The following ALK variants were observed in gnomAD, a reference collection of about 807,000 sequenced individuals.
ALK encodes the protein ALK receptor tyrosine kinase.
ALK carries 74 observed loss-of-function variants against 163.1 expected under a neutral mutation model. The observed-to-expected ratio is 0.45, with a 90% confidence interval of 0.38 to 0.55. ALK has a LOEUF of 0.55. ALK is among the 20% of genes least tolerant of loss of function. The probability of loss-of-function intolerance (pLI) is 0.00; values close to 1 mark genes in which losing one functional copy is unlikely to be tolerated. For synonymous variants in ALK, 960 were observed against 843.2 expected, an observed-to-expected ratio of 1.14 and a Z score of -2.40; for missense variants, 2,063 against 2,105.3, an observed-to-expected ratio of 0.98 and a Z score of 0.39.
chr2:29,278,983 G>T (rs200234715), intron 9 of ALK, among the ~76,000 whole-genome samples: 13 of 152,092 alleles, frequency 8.5e-5, no homozygotes, highest in Admixed American at 4.6e-4. Flanking sequence ...TGTGCCTGGG[G>T]GGGGGGACAG....
intron 4 of ALK, among the ~76,000 whole-genome samples, chr2:29,391,780 T>C (rs1669181764): frequency 6.6e-6 from 1 of 152,172 alleles, no homozygotes. Context: ...CTGTGTGACC[T>C]CAGGCCCCTG....
intron 9 of ALK, among the ~76,000 whole-genome samples, chr2:29,293,327 T>A (rs1003891309): frequency 2.0e-5 from 3 of 152,190 alleles, no homozygotes; most frequent in Admixed American, 2.0e-4. Context: ...TCAATGCATA[T>A]TTATTGGGCA....
intron 3 of ALK, among the ~76,000 whole-genome samples, chr2:29,685,769 T>C (rs992782161): frequency 6.6e-6 from 1 of 152,200 alleles, no homozygotes; most frequent in Non-Finnish European, 1.5e-5. Flanking sequence ...TATATTATCT[T>C]TTGGTTCTGC....
At chr2:29,249,376 A>G (rs1664761285) in intron 12 of ALK, among the ~76,000 whole-genome samples, 1 of 152,098 alleles carries the variant, frequency 6.6e-6, no homozygotes, top group Non-Finnish European at 1.5e-5. Context: ...TGTGTTGCCC[A>G]ATATCCCTTC....
chr2:29,251,068 G>T lies in ALK; in HGVS notation c.2204+37C>A, dbSNP rs193064534. 3.2e-5 allele frequency: 52 copies of T among 1,606,716 alleles called. No homozygotes were observed. In the Middle Eastern group the frequency reaches 6.6e-4, roughly 21 times the overall value. ...AAGACTCCAGGCTTCTTCGGAAGGGGTGGTCTGCCCCTCCCCTCCCCCTCT... is the reference window on the plus strand; with the variant it reads ...AAGACTCCAGGCTTCTTCGGAAGGGTTGGTCTGCCCCTCCCCTCCCCCTCT... On this transcript the variant is annotated intron_variant, in intron 12 of 28. Transcript: ENST00000389048.
intron 3 of ALK, among the ~76,000 whole-genome samples, chr2:29,692,230 G>C (rs1388161709): frequency 6.6e-6 from 1 of 152,214 alleles, no homozygotes; most frequent in Non-Finnish European, 1.5e-5. Flanking sequence ...ATACTGATGA[G>C]GATGTAAAGC....
intron 1 of ALK, among the ~76,000 whole-genome samples, chr2:29,859,519 CA>C (rs1666226663): frequency 6.6e-6 from 1 of 152,186 alleles, no homozygotes; most frequent in African/African-American, 2.4e-5. Flanking sequence ...ATGGAGGGAT[CA>C]GGGGAGGCAA....
intron 3 of ALK, among the ~76,000 whole-genome samples, chr2:29,638,114 G>T (rs1676595939): frequency 6.6e-6 from 1 of 152,182 alleles, no homozygotes; most frequent in Non-Finnish European, 1.5e-5. Context: ...TTAAACTTGA[G>T]ATACTTGGAG....
intron 1 of ALK, among the ~76,000 whole-genome samples, chr2:29,777,774 G>A (rs1054283921): frequency 1.3e-5 from 2 of 152,132 alleles, no homozygotes; most frequent in African/African-American, 2.4e-5. Flanking sequence ...CCAAGATGAT[G>A]CTATTTCTGG....
chr2:29,433,726 A>T (rs1168998987), intron 4 of ALK, among the ~76,000 whole-genome samples: 2 of 152,150 alleles, frequency 1.3e-5, no homozygotes, highest in Middle Eastern at 3.2e-3. Flanking sequence ...TTAAAAAAAA[A>T]AAAATGAAAT....
chr2:29,663,403 T>C (rs1677411062), intron 3 of ALK, among the ~76,000 whole-genome samples: 2 of 152,130 alleles, frequency 1.3e-5, no homozygotes, highest in Admixed American at 1.3e-4. Context: ...AAATTCTTGG[T>C]CCAGAATGAT....
At chr2:29,607,310 C>T (rs1675566735) in intron 3 of ALK, among the ~76,000 whole-genome samples, 1 of 152,170 alleles carries the variant, frequency 6.6e-6, no homozygotes, top group Admixed American at 6.5e-5. Flanking sequence ...CCAATGTCAT[C>T]ATACTTTCTC....
At chr2:29,684,400 C>T (rs1004053720) in intron 3 of ALK, among the ~76,000 whole-genome samples, 4 of 152,216 alleles carry the variant, frequency 2.6e-5, no homozygotes, top group African/African-American at 9.6e-5. Context: ...ACTCTCAGCA[C>T]AGGGCTCCTT....
In ALK at chr2:29,335,450, T is replaced by C. The variant is rs192595858; in HGVS notation, c.1283-6969A>G. Among the ~76,000 whole-genome samples the C allele has an allele frequency of 3.9e-5, 6 of 152,290 alleles. No homozygotes were observed. In the East Asian group the frequency reaches 1.2e-3, roughly 29 times the overall value. On this transcript the variant is annotated intron_variant, in intron 5 of 28. Coordinates refer to ENST00000389048, the MANE Select transcript of ALK (RefSeq NM_004304.5). ...ATTTGATTAATCAGAAGACTGAGGA[T>C]GTGAGAGCCTACACAATGCACAGAG...
rs780399982 is a variant in ALK at position 29,193,220 on chromosome 2, G to A, written c.*4C>T. The A allele has an allele frequency of 6.2e-6, 10 of 1,613,624 alleles. No individual in the cohort carries two copies. In the South Asian group the frequency reaches 7.7e-5, roughly 12 times the overall value. On this transcript the variant is annotated 3_prime_UTR_variant, in exon 29 of 29. Transcript: ENST00000389048. The stretch of plus-strand genomic sequence containing the variant: ...AAGGAAGAGAAGTGAGTGTGCGACC[G>A]AGCTCAGGGCCCAGGCTGGTTCATG...
intron 5 of ALK, among the ~76,000 whole-genome samples, chr2:29,362,226 G>A (rs528702750): frequency 2.6e-5 from 4 of 152,260 alleles, no homozygotes; most frequent in African/African-American, 9.6e-5. Flanking sequence ...AAGGACGGGA[G>A]GTAATGGGAA....
At chr2:29,305,786 G>A (rs1666493315) in intron 8 of ALK, among the ~76,000 whole-genome samples, 1 of 152,038 alleles carries the variant, frequency 6.6e-6, no homozygotes, top group Non-Finnish European at 1.5e-5. Flanking sequence ...TGGGGGTTGG[G>A]GGGTAGTTTC....
rs111768210 is a variant in ALK at position 29,773,233 on chromosome 2, T to TACACACAC, written c.668-55544_668-55537dup. On this transcript the variant is annotated intron_variant, in intron 1 of 28. Coordinates refer to ENST00000389048, the MANE Select transcript of ALK (RefSeq NM_004304.5). ...CTATCAGTAAAATACACAGTAAATGTACACACACACACACACACACATTTT... is the reference window on the plus strand; with the variant it reads ...CTATCAGTAAAATACACAGTAAATGTACACACACACACACACACACACACACACATTTT... 4.8e-3 allele frequency among the ~76,000 whole-genome samples: 711 copies of TACACACAC among 146,938 alleles called. 4 individuals are homozygous for TACACACAC. Among genetic ancestry groups the TACACACAC allele is most frequent in the African/African-American group, 0.014 (523 of 37,728 alleles).
At chr2:29,331,924 A>G (rs2148261932) in intron 5 of ALK, among the ~76,000 whole-genome samples, 1 of 152,230 alleles carries the variant, frequency 6.6e-6, no homozygotes, top group South Asian at 2.1e-4. Context: ...GCCTTACCAC[A>G]GGAGACCATT....
Sources: allele counts gnomAD v4.1 joint callset (sites outside exome capture counted in the v4.1 genomes callset), GRCh38; gene constraint gnomAD v4.1.1; transcripts MANE v1.5; gene names NCBI Gene and HGNC (gene_info 2026-07-23, HGNC 2026-07-21).